The following FHIP1A variants were observed in gnomAD, a reference collection of about 807,000 sequenced individuals.
FHIP1A encodes the protein FHF complex subunit HOOK interacting protein 1A.
In FHIP1A, 61 loss-of-function variants were observed where a neutral mutation model predicts 88.6. The ratio of observed to expected loss-of-function variants is 0.69; its 90% CI spans 0.56 to 0.85. The LOEUF (loss-of-function observed/expected upper bound fraction) is 0.85. FHIP1A is among the 40% of genes least tolerant of loss of function. The probability of loss-of-function intolerance (pLI) is 0.00; values close to 1 mark genes in which losing one functional copy is unlikely to be tolerated. For synonymous variants in FHIP1A, 478 were observed against 496.0 expected (o/e 0.96, Z 0.48); for missense variants, 1,154 against 1,273.5 (o/e 0.91, Z 1.43).
Position 151,485,282 on chromosome 4 carries a change from G to GTTT in FHIP1A, c.-123+2652_-123+2654dup, listed in dbSNP as rs74327398. Among the ~76,000 whole-genome samples, 40 of 118,730 alleles carry GTTT rather than the reference G, an allele frequency of 3.4e-4. 2 individuals are homozygous for GTTT. Among genetic ancestry groups the GTTT allele is most frequent in the African/African-American group, 1.1e-3 (32 of 29,070 alleles). 77.9% of individuals were successfully genotyped at this position (118,730 alleles called of 152,430 possible). ...TCGAGCATAGTTTGGATCTTTTCCAGTTTTTTTTTTTTTTTTTTTTGTCTG... is the reference window on the plus strand; with the variant it reads ...TCGAGCATAGTTTGGATCTTTTCCAGTTTTTTTTTTTTTTTTTTTTTTTGTCTG... On this transcript the variant is annotated intron_variant, in intron 3 of 13. Transcript: ENST00000435205.
chr4:151,417,435 G>A lies in FHIP1A; in HGVS notation c.-356+7970G>A, dbSNP rs117526241. Among the ~76,000 whole-genome samples, 247 of 152,326 alleles carry A rather than the reference G, an allele frequency of 1.6e-3. 8 individuals carry two copies. The East Asian group carries it at 0.04, about 24-fold the overall frequency. On this transcript the variant is annotated intron_variant, in intron 1 of 13. Coordinates refer to ENST00000435205, the MANE Select transcript of FHIP1A (RefSeq NM_001109977.3). ...AAAGTGACCAATCAGAGGCTGAAGT[G>A]AAGTTACAAAATTATATTTCTATGC...
At chr4:151,564,314 A>G (rs1733294726) in intron 3 of FHIP1A, among the ~76,000 whole-genome samples, 1 of 152,178 alleles carries the variant, frequency 6.6e-6, no homozygotes, top group South Asian at 2.1e-4. Context: ...ATGTAACCTA[A>G]ATGAAAGGCC....
At chr4:151,441,668 G>T (rs1312736118) in intron 1 of FHIP1A, among the ~76,000 whole-genome samples, 3 of 152,122 alleles carry the variant, frequency 2.0e-5, no homozygotes, top group Non-Finnish European at 2.9e-5. Flanking sequence ...GTTTTGGTTT[G>T]ATTCTGGTTA....
At chr4:151,514,015 A>T (rs1731133441) in intron 3 of FHIP1A, among the ~76,000 whole-genome samples, 1 of 151,050 alleles carries the variant, frequency 6.6e-6, no homozygotes, top group Non-Finnish European at 1.5e-5. Context: ...TTTCAGCACC[A>T]CACCACACAT....
At chr4:151,553,722 C>T (rs921657969) in intron 3 of FHIP1A, among the ~76,000 whole-genome samples, 10 of 152,130 alleles carry the variant, frequency 6.6e-5, no homozygotes, top group African/African-American at 2.4e-4. Flanking sequence ...ACAGCTTCTT[C>T]AAGTCATTGT....
intron 13 of FHIP1A, among the ~76,000 whole-genome samples, chr4:151,658,961 G>C (rs1375601252): frequency 6.6e-6 from 1 of 152,120 alleles, no homozygotes; most frequent in Non-Finnish European, 1.5e-5. Flanking sequence ...GATATACTGA[G>C]GTGCACTAGA....
At chr4:151,481,860 C>A (rs917412776) in intron 2 of FHIP1A, among the ~76,000 whole-genome samples, 1 of 152,068 alleles carries the variant, frequency 6.6e-6, no homozygotes, top group Non-Finnish European at 1.5e-5. Flanking sequence ...GTTTTGTTCT[C>A]TGTGTTTCTC....
chr4:151,469,505 C>T (rs893471490), intron 2 of FHIP1A, among the ~76,000 whole-genome samples: 1 of 152,124 alleles, frequency 6.6e-6, no homozygotes, highest in Non-Finnish European at 1.5e-5. Context: ...GATGACATCA[C>T]TAAAAACTAG....
At chr4:151,455,630 C>T (rs148011488) in intron 2 of FHIP1A, among the ~76,000 whole-genome samples, 6 of 152,330 alleles carry the variant, frequency 3.9e-5, no homozygotes, top group African/African-American at 1.4e-4. Context: ...GATGCCACTT[C>T]TTCCTTCAGT....
chr4:151,618,057 T>A (rs934574263), intron 7 of FHIP1A, among the ~76,000 whole-genome samples: 1 of 152,198 alleles, frequency 6.6e-6, no homozygotes, highest in Non-Finnish European at 1.5e-5. Context: ...TATCTGCCAA[T>A]TGCTGGAAGT....
chr4:151,597,947 G>A (rs1560790950), intron 7 of FHIP1A, among the ~76,000 whole-genome samples: 3 of 152,166 alleles, frequency 2.0e-5, no homozygotes. Flanking sequence ...TCAAGCCAGT[G>A]GATCTTAGCT....
intron 3 of FHIP1A, among the ~76,000 whole-genome samples, chr4:151,490,103 G>A (rs574232007): frequency 8.5e-5 from 13 of 152,328 alleles, no homozygotes; most frequent in Admixed American, 2.0e-4. Context: ...CAAAGAAGGA[G>A]AAAACAACAG....
Position 151,588,918 on chromosome 4 carries a change from C to G in FHIP1A, c.970C>G (p.Leu324Val). The G allele has an allele frequency of 6.5e-7, 1 of 1,543,236 alleles. No individual in the cohort carries two copies. The highest frequency in any genetic ancestry group is 8.8e-7 in the Non-Finnish European group (1 of 1,139,330). The change falls in exon 7 of 14, where the codon CTC becomes GTC. Residue 324 changes from leucine (L) to valine (V), a missense_variant. Leu to Val is a conservative substitution (Grantham distance 32, BLOSUM62 1). Coordinates refer to ENST00000435205, the MANE Select transcript of FHIP1A (RefSeq NM_001109977.3). ...GFLVPVLAPALHKVTVEEVMT... is the reference protein window; with the variant it reads ...GFLVPVLAPAVHKVTVEEVMT... ...TTTGGTACCAGTCTTGGCTCCTGCTCTCCATAAGGTCAGTGATTGGCTCAT... is the reference window on the plus strand; with the variant it reads ...TTTGGTACCAGTCTTGGCTCCTGCTGTCCATAAGGTCAGTGATTGGCTCAT...
chr4:151,642,622 T>TCC (rs1254048453), intron 9 of FHIP1A, among the ~76,000 whole-genome samples: 1 of 152,190 alleles, frequency 6.6e-6, no homozygotes, highest in Non-Finnish European at 1.5e-5. Flanking sequence ...TTGTTGGGGT[T>TCC]ATCATCCCAG....
intron 1 of FHIP1A, among the ~76,000 whole-genome samples, chr4:151,429,684 AC>A (rs1334436690): frequency 6.6e-6 from 1 of 152,110 alleles, no homozygotes; most frequent in Non-Finnish European, 1.5e-5. Flanking sequence ...CTGTGTCTCT[AC>A]TAAAAATACA....
chr4:151,527,489 G>C (rs567579044), intron 3 of FHIP1A, among the ~76,000 whole-genome samples: 1 of 152,150 alleles, frequency 6.6e-6, no homozygotes, highest in Non-Finnish European at 1.5e-5. Context: ...GTCCAGCTTC[G>C]GCTCGGCATC....
chr4:151,584,325 TAC>T (rs1349759440), intron 5 of FHIP1A, among the ~76,000 whole-genome samples: 5 of 152,126 alleles, frequency 3.3e-5, no homozygotes, highest in Admixed American at 6.6e-5. Context: ...AGATAGGCAA[TAC>T]ACTAATACAT....
intron 1 of FHIP1A, among the ~76,000 whole-genome samples, 153 bp from the exon 2 acceptor site, chr4:151,454,548 G>A (rs868794006): frequency 1.3e-5 from 2 of 152,136 alleles, no homozygotes; most frequent in South Asian, 2.1e-4. Context: ...TTTAAAACAC[G>A]CATGTCCCTA....
At chr4:151,445,365 TA>T (rs1017087714) in intron 1 of FHIP1A, among the ~76,000 whole-genome samples, 2 of 152,006 alleles carry the variant, frequency 1.3e-5, no homozygotes, top group African/African-American at 4.8e-5. Context: ...CCCTGCAGTT[TA>T]GGGATTTTAT....
Sources: allele counts gnomAD v4.1 joint callset (sites outside exome capture counted in the v4.1 genomes callset), GRCh38; gene constraint gnomAD v4.1.1; transcripts MANE v1.5; gene names NCBI Gene and HGNC (gene_info 2026-07-23, HGNC 2026-07-21).